Variants in ADGRB2 observed in about 807,000 individuals in gnomAD.
ADGRB2 encodes adhesion G protein-coupled receptor B2.
ADGRB2 carries 47 observed loss-of-function variants against 178.7 expected under a neutral mutation model. The ratio of observed to expected loss-of-function variants is 0.26; its 90% CI spans 0.21 to 0.34. The LOEUF (loss-of-function observed/expected upper bound fraction) is 0.34, where lower values mean the gene tolerates loss of function less well. Ranked by LOEUF, ADGRB2 falls within the 10% of genes least tolerant of loss-of-function variation. The probability of loss-of-function intolerance (pLI) is 1.00; values close to 1 mark genes in which losing one functional copy is unlikely to be tolerated. For synonymous variants in ADGRB2, 870 were observed against 912.4 expected, an observed-to-expected ratio of 0.95 and a Z score of 0.84; for missense variants, 1,584 against 2,180.8, an observed-to-expected ratio of 0.73 and a Z score of 5.45.
rs1645892170 is a variant in ADGRB2 at position 31,740,681 on chromosome 1, C to T, written c.1795-140G>A. ...AAGGTCAGAGAGGCTCAAAGGGGCA[C>T]ACAGGGGAGACAGAGTCCGAGAAAG... On this transcript the variant is annotated intron_variant, in intron 11 of 32. Coordinates refer to ENST00000373658, the MANE Select transcript of ADGRB2 (RefSeq NM_001364857.2). This position sits in a 1 kb window ranked among gnomAD's most constrained non-coding sequence, Gnocchi z 5.9. The T allele has an allele frequency of 1.2e-6, 1 of 847,016 alleles. No individual in the cohort carries two copies. The highest frequency in any genetic ancestry group is 1.7e-5 in the African/African-American group (1 of 57,982). 52.5% of individuals were successfully genotyped at this position (847,016 alleles called of 1,614,324 possible). A position where few individuals can be genotyped will look rare whatever the true frequency, so the allele number is the denominator to read the frequency against.
rs1557728392 is a variant in ADGRB2, at chr1:31,728,845, C to CACACACACAG, written c.4381-213_4381-212insCTGTGTGTGT. ...ACACACACACACACACACACACACACACGTCAAATGGCATGGTGCGGACTT... is the reference window on the plus strand; with the variant it reads ...ACACACACACACACACACACACACACACACACACAGACGTCAAATGGCATGGTGCGGACTT... On this transcript the variant is annotated intron_variant, in intron 29 of 32. Transcript: ENST00000373658. This position sits in a 1 kb window ranked among gnomAD's most constrained non-coding sequence, Gnocchi z 6.7. 6.7e-6 allele frequency among the ~76,000 whole-genome samples: 1 copy of CACACACACAG among 149,396 alleles called. No individual in the cohort carries two copies. Among genetic ancestry groups the CACACACACAG allele is most frequent in the African/African-American group, 2.5e-5 (1 of 39,296 alleles).
chr1:31,730,704 G>A, intron 29 of ADGRB2, 96 bp downstream of exon 29: 1 of 1,376,366 alleles, frequency 7.3e-7, no homozygotes, highest in East Asian at 2.5e-5. Context: ...ACTTTTACGA[G>A]AGGCCGCTCT....
chr1:31,739,168 C>A, intron 15 of ADGRB2, 140 bp downstream of exon 15: 1 of 1,029,900 alleles, frequency 9.7e-7, no homozygotes, highest in African/African-American at 1.6e-5. Context: ...AAGCATGTGT[C>A]CAGAGCCAGG....
rs1187491853 is a variant in ADGRB2, at chr1:31,753,395, C to G, written c.838+2604G>C. Among the ~76,000 whole-genome samples the G allele has an allele frequency of 1.3e-5, 2 of 152,220 alleles. No individual in the cohort carries two copies. Among genetic ancestry groups the G allele is most frequent in the Non-Finnish European group, 2.9e-5 (2 of 68,046 alleles). On this transcript the variant is annotated intron_variant, in intron 4 of 32. Transcript: ENST00000373658. The surrounding 1 kb of genome is among the most constrained non-coding windows in gnomAD (Gnocchi z 4.1). ...TTGTCAAACTCACTCGGCTCTGAGG[C>G]GTCCCAGGCACTCCGCCAGTCACTG...
At chr1:31,729,709 A>G (rs1645179328) in intron 29 of ADGRB2, among the ~76,000 whole-genome samples, 1 of 152,176 alleles carries the variant, frequency 6.6e-6, no homozygotes. Context: ...TGACCCCTCA[A>G]AGCGCTGCTG....
chr1:31,755,666 T>A lies in ADGRB2; in HGVS notation c.838+333A>T, dbSNP rs1415469603. Among the ~76,000 whole-genome samples, 2 of 151,860 alleles carry A rather than the reference T, an allele frequency of 1.3e-5. No homozygotes were observed. Among genetic ancestry groups the A allele is most frequent in the African/African-American group, 4.8e-5 (2 of 41,352 alleles). ...TCTTGCTCTGCCTAGAATGCCCTCA[T>A]CTCACTTCTGCTTGTCCTTCAGGTC... is the stretch of plus-strand genomic sequence containing the variant. On this transcript the variant is annotated intron_variant, in intron 4 of 32. Transcript: ENST00000373658. The surrounding 1 kb of genome is among the most constrained non-coding windows in gnomAD (Gnocchi z 5.1).
rs561606210 is a variant in ADGRB2, at chr1:31,759,195, CA to C, written c.-190-1685del. 5.8e-5 allele frequency: 43 copies of C among 737,490 alleles called. No homozygotes were observed. The highest frequency in any genetic ancestry group is 5.7e-4 in the Admixed American group (32 of 56,480). The allele number at this position is 737,490 out of a possible 1,614,324, so 45.7% of individuals were successfully genotyped here. On this transcript the variant is annotated intron_variant, in intron 1 of 32. Coordinates refer to ENST00000373658, the MANE Select transcript of ADGRB2 (RefSeq NM_001364857.2). This position sits in a 1 kb window ranked among gnomAD's most constrained non-coding sequence, Gnocchi z 4.3. ...ATACATATGTACACGGACATGCACACAGGTGAAACCCACAGATTCATGCTGT... is the reference window on the plus strand; with the variant it reads ...ATACATATGTACACGGACATGCACACGGTGAAACCCACAGATTCATGCTGT...
chr1:31,742,956 G>A lies in ADGRB2; in HGVS notation c.1134C>T (p.Arg378=). 6.5e-7 allele frequency: 1 copy of A among 1,537,216 alleles called. No homozygotes were observed. The highest frequency in any genetic ancestry group is 2.5e-5 in the East Asian group (1 of 40,112). Residue 378 remains arginine, a synonymous_variant, in exon 7 of 33, where the codon CGC becomes CGT. Coordinates refer to ENST00000373658, the MANE Select transcript of ADGRB2 (RefSeq NM_001364857.2). ...EEWGSWSLCS[R]SCGRGSRSRM... ...GGCTCCGGGACCCCCGCCCGCAGCT[G>A]CGGGAGCACAGGCTCCAGGACCCCC...
intron 25 of ADGRB2, among the ~76,000 whole-genome samples, 198 bp downstream of exon 25, chr1:31,734,985 G>T (rs1645496321): frequency 6.6e-6 from 1 of 152,176 alleles, no homozygotes; most frequent in South Asian, 2.1e-4. Flanking sequence ...GGGCACCTGT[G>T]GGAGGCACAG....
chr1:31,743,134 T>G, intron 6 of ADGRB2, 132 bp from the exon 7 acceptor site: 2 of 1,105,044 alleles, frequency 1.8e-6, no homozygotes, highest in Non-Finnish European at 2.4e-6. Flanking sequence ...CCCCGGGATC[T>G]GTTGCCAGGG....
chr1:31,757,154 A>G lies in ADGRB2; in HGVS notation c.21+47T>C. 3 of 1,614,058 alleles carry G rather than the reference A, an allele frequency of 1.9e-6. No homozygotes were observed. The South Asian group carries it at 3.3e-5, about 18-fold the overall frequency. ...TCTGTTTCCTCAGAGTCAGCCCATCAACTACAAGCATATTCGCCTTGCATT... is the reference window on the plus strand; with the variant it reads ...TCTGTTTCCTCAGAGTCAGCCCATCGACTACAAGCATATTCGCCTTGCATT... On this transcript the variant is annotated intron_variant, in intron 3 of 32. Coordinates refer to ENST00000373658, the MANE Select transcript of ADGRB2 (RefSeq NM_001364857.2).
Position 31,730,780 on chromosome 1 carries a change from C to T in ADGRB2, c.4380+20G>A, listed in dbSNP as rs371093116. ...TTGACACAGTCTCAGACACACACCC[C>T]ATTCCCTACAGCCCCTCACCTCCAG... is the stretch of plus-strand genomic sequence containing the variant. On this transcript the variant is annotated intron_variant, in intron 29 of 32. Coordinates refer to ENST00000373658, the MANE Select transcript of ADGRB2 (RefSeq NM_001364857.2). 2.0e-6 allele frequency: 3 copies of T among 1,484,054 alleles called. No homozygotes were observed. Among genetic ancestry groups the T allele is most frequent in the African/African-American group, 1.4e-5 (1 of 71,066 alleles). The allele number at this position is 1,484,054 out of a possible 1,614,324, so 91.9% of individuals were successfully genotyped here.
Position 31,732,497 on chromosome 1 carries a change from T to C in ADGRB2, c.3720+20A>G. Reference sequence around the variant, plus strand: ...GGGTGCCCAGAATCTGCCCAGGCCCTGCCCAGGCCCCTAACTCACCAGGAT... The same window carrying C: ...GGGTGCCCAGAATCTGCCCAGGCCCCGCCCAGGCCCCTAACTCACCAGGAT... On this transcript the variant is annotated intron_variant, in intron 27 of 32. Transcript: ENST00000373658. 6.8e-6 allele frequency: 11 copies of C among 1,613,630 alleles called. No individual in the cohort carries two copies. Among genetic ancestry groups the C allele is most frequent in the Non-Finnish European group, 9.3e-6 (11 of 1,179,664 alleles).
At chr1:31,738,804 C>G (rs1645773917) in intron 16 of ADGRB2, 28 bp downstream of exon 16, 1 of 1,612,328 alleles carries the variant, frequency 6.2e-7, no homozygotes. Flanking sequence ...GAGGTGCACC[C>G]AAGGTCTCTG....
chr1:31,744,573 A>G lies in ADGRB2; in HGVS notation c.922+75T>C. 1 of 1,545,200 alleles carries G rather than the reference A, an allele frequency of 6.5e-7. No individual in the cohort carries two copies. Among genetic ancestry groups the G allele is most frequent in the Non-Finnish European group, 8.9e-7 (1 of 1,129,874 alleles). ...CTGCAGGACAGAGACAGACAGGCAC[A>G]CACCAAGCACACACACCACCAGACG... On this transcript the variant is annotated intron_variant, in intron 5 of 32. Transcript: ENST00000373658. This position sits in a 1 kb window ranked among gnomAD's most constrained non-coding sequence, Gnocchi z 6.7.
Position 31,744,805 on chromosome 1 carries a change from G to A in ADGRB2, c.839-74C>T. ...CTGTTACAGTGGCACAGTGAAGGCA[G>A]CCTTCCTTGCCCTCCGCCTGAGGGC... On this transcript the variant is annotated intron_variant, in intron 4 of 32. Transcript: ENST00000373658. The surrounding 1 kb of genome is among the most constrained non-coding windows in gnomAD (Gnocchi z 6.7). 6.7e-7 allele frequency: 1 copy of A among 1,484,352 alleles called. No individual in the cohort carries two copies. The highest frequency in any genetic ancestry group is 9.4e-7 in the Non-Finnish European group (1 of 1,066,632). The allele number at this position is 1,484,352 out of a possible 1,614,324, so 91.9% of individuals were successfully genotyped here.
At chr1:31,731,989 GCTGT>G (rs1449335212) in intron 28 of ADGRB2, 122 bp downstream of exon 28, 5 of 1,244,676 alleles carry the variant, frequency 4.0e-6, no homozygotes, top group Non-Finnish European at 4.6e-6. Context: ...CCAGCTCAGG[GCTGT>G]CTAACTTCGA....
Position 31,739,971 on chromosome 1 carries a change from C to T in ADGRB2, c.2122G>A (p.Ala708Thr). 1 of 1,614,162 alleles carries T rather than the reference C, an allele frequency of 6.2e-7. No individual in the cohort carries two copies. Among genetic ancestry groups the T allele is most frequent in the Non-Finnish European group, 8.5e-7 (1 of 1,180,028 alleles). ...VEDFIHLVGD[A>T]LKAFQSSLIV... The stretch of plus-strand genomic sequence containing the variant: ...AGAGAGCTCTGGAAGGCCTTGAGAG[C>T]ATCGCCCACCAGGTGAATGAAGTCC... The change falls in exon 14 of 33, where the codon GCT becomes ACT. Residue 708 changes from alanine to threonine, a missense_variant. By Grantham distance (58) the Ala-to-Thr change is moderately conservative (BLOSUM62 0). This residue lies in a region of ADGRB2 where 62 missense variants were observed against 140.3 expected (regional missense o/e 0.44). Coordinates refer to ENST00000373658, the MANE Select transcript of ADGRB2 (RefSeq NM_001364857.2).
At chr1:31,739,723 C>A (rs2148945253) in intron 14 of ADGRB2, 88 bp from the exon 15 acceptor site, 1 of 1,432,192 alleles carries the variant, frequency 7.0e-7, no homozygotes, top group Non-Finnish European at 9.5e-7. Context: ...GTAGGGGAAA[C>A]ACGTACCAGG....
Sources: gnomAD v4.1 joint callset for allele counts (sites outside exome capture counted in the v4.1 genomes callset) on GRCh38, gnomAD v4.1.1 for gene constraint, gnomAD v4.1.1 regional missense constraint, Gnocchi (gnomAD v3.1) non-coding constraint, MANE v1.5 for transcripts, NCBI Gene and HGNC (gene_info 2026-07-23, HGNC 2026-07-21) for gene names.